The following IMMP2L variants were observed in gnomAD, a reference collection of about 807,000 sequenced individuals.
IMMP2L encodes the protein mitochondrial inner membrane protease subunit 2.
A neutral mutation model predicts 19.3 loss-of-function variants in IMMP2L; 18 were observed. The observed-to-expected ratio is 0.93, with a 90% CI of 0.64 to 1.38. The LOEUF (loss-of-function observed/expected upper bound fraction) is 1.38. Among genes scored for constraint, IMMP2L ranks in the 40% most tolerant of loss-of-function variants. IMMP2L has a pLI of 0.00. For synonymous variants in IMMP2L, 76 were observed against 73.0 expected (o/e 1.04, Z -0.21); for missense variants, 233 against 218.2 (o/e 1.07, Z -0.43).
At chr7:111,376,148 A>G (rs1311803315) in intron 3 of IMMP2L, among the ~76,000 whole-genome samples, 4 of 152,176 alleles carry the variant, frequency 2.6e-5, no homozygotes, top group Non-Finnish European at 5.9e-5. Context: ...TGTGTTACAT[A>G]ACGCACACTC....
chr7:110,689,542 T>C (rs538934918), intron 5 of IMMP2L, among the ~76,000 whole-genome samples: 3 of 152,300 alleles, frequency 2.0e-5, no homozygotes, highest in Non-Finnish European at 4.4e-5. Context: ...GTCAGCTTTT[T>C]TCTTTTTCAA....
chr7:111,355,621 G>T (rs1326693074), intron 3 of IMMP2L, among the ~76,000 whole-genome samples: 1 of 151,708 alleles, frequency 6.6e-6, no homozygotes, highest in Non-Finnish European at 1.5e-5. Flanking sequence ...GGAAAAAATA[G>T]AATAGAAAAA....
At chr7:111,386,775 GT>G (rs1584905045) in intron 3 of IMMP2L, among the ~76,000 whole-genome samples, 1 of 152,042 alleles carries the variant, frequency 6.6e-6, no homozygotes, top group Non-Finnish European at 1.5e-5. Flanking sequence ...TTCCTTGAAG[GT>G]TATGTATAAC....
chr7:111,392,962 A>G, intron 3 of IMMP2L: 3 of 403,518 alleles, frequency 7.4e-6, no homozygotes, highest in South Asian at 3.6e-5. Flanking sequence ...TAAAAGTCTC[A>G]GAACCCAAGC....
At position 110,868,912 on chromosome 7, in the gene IMMP2L, T is replaced by C. The variant is rs192414647; in HGVS notation, c.408+17681A>G. Among the ~76,000 whole-genome samples, 91 of 151,712 alleles carry C rather than the reference T, an allele frequency of 6.0e-4. No homozygotes were observed. In the East Asian group the frequency reaches 0.014, roughly 23 times the overall value. ...AGAAACCTCTGAAAAAGGAACAAAATTTCTTGAAAAAAATTAAAACAAAAA... is the reference window on the plus strand; with the variant it reads ...AGAAACCTCTGAAAAAGGAACAAAACTTCTTGAAAAAAATTAAAACAAAAA... On this transcript the variant is annotated intron_variant, in intron 5 of 5. Coordinates refer to ENST00000405709, the MANE Select transcript of IMMP2L (RefSeq NM_032549.4).
At chr7:111,326,227 T>A (rs540483639) in intron 3 of IMMP2L, among the ~76,000 whole-genome samples, 1 of 151,780 alleles carries the variant, frequency 6.6e-6, no homozygotes, top group Non-Finnish European at 1.5e-5. Context: ...TCAATTGAGA[T>A]ATAAATTATG....
intron 3 of IMMP2L, chr7:111,411,339 A>G: frequency 5.0e-6 from 2 of 399,758 alleles, no homozygotes; most frequent in Non-Finnish European, 9.9e-6. Flanking sequence ...CCCAGGACCT[A>G]GCCAAAGCCC....
intron 3 of IMMP2L, among the ~76,000 whole-genome samples, chr7:111,113,365 T>C (rs778408716): frequency 6.6e-6 from 1 of 152,144 alleles, no homozygotes; most frequent in African/African-American, 2.4e-5. Flanking sequence ...CATTTACTTA[T>C]GGCAATCAAT....
intron 3 of IMMP2L, among the ~76,000 whole-genome samples, chr7:111,257,162 G>A (rs1326398957): frequency 6.6e-6 from 1 of 152,074 alleles, no homozygotes; most frequent in African/African-American, 2.4e-5. Flanking sequence ...TTGGTTGGTA[G>A]TGTTTCACAC....
chr7:111,028,724 C>T (rs1172516926), intron 3 of IMMP2L, among the ~76,000 whole-genome samples: 1 of 152,020 alleles, frequency 6.6e-6, no homozygotes, highest in Non-Finnish European at 1.5e-5. Flanking sequence ...AGTTAGTATT[C>T]CATGGTTTTC....
intron 3 of IMMP2L, among the ~76,000 whole-genome samples, chr7:111,231,024 CTGTGTGTG>C (rs60629485): frequency 4.1e-5 from 6 of 146,998 alleles, no homozygotes; most frequent in Non-Finnish European, 9.0e-5. Flanking sequence ...TAAGTAGTGG[CTGTGTGTG>C]TGTGTGTGTG....
intron 1 of IMMP2L, among the ~76,000 whole-genome samples, chr7:111,526,939 A>C (rs980569374): frequency 2.6e-5 from 4 of 152,112 alleles, no homozygotes; most frequent in African/African-American, 9.7e-5. Context: ...TAAGGGGGAA[A>C]CATTAATAAA....
At chr7:111,409,100 A>G (rs1386056484) in intron 3 of IMMP2L, among the ~76,000 whole-genome samples, 1 of 151,766 alleles carries the variant, frequency 6.6e-6, no homozygotes, top group African/African-American at 2.4e-5. Context: ...CATTTCCTCT[A>G]TTATTCTTAA....
chr7:110,702,450 GAA>G (rs1346832219), intron 5 of IMMP2L, among the ~76,000 whole-genome samples: 1 of 152,122 alleles, frequency 6.6e-6, no homozygotes, highest in Non-Finnish European at 1.5e-5. Context: ...CATTAACCAT[GAA>G]TATTAATATT....
chr7:111,122,732 A>C, intron 3 of IMMP2L: 3 of 1,482,544 alleles, frequency 2.0e-6, no homozygotes, highest in South Asian at 1.2e-5. Context: ...TGACTGTGGA[A>C]TCCTTAAGGG....
intron 3 of IMMP2L, among the ~76,000 whole-genome samples, chr7:111,265,355 C>A (rs1407718007): frequency 1.3e-5 from 2 of 152,162 alleles, no homozygotes; most frequent in African/African-American, 4.8e-5. Context: ...AAATCAAAAT[C>A]TCTACTTTGT....
At chr7:111,127,941 A>C (rs1801479134) in intron 3 of IMMP2L, among the ~76,000 whole-genome samples, 1 of 152,188 alleles carries the variant, frequency 6.6e-6, no homozygotes, top group Non-Finnish European at 1.5e-5. Flanking sequence ...CAAAATATGT[A>C]TTTTATAATG....
rs540762056 is a variant in IMMP2L at position 111,352,723 on chromosome 7, G to A, written c.239+134515C>T. On this transcript the variant is annotated intron_variant, in intron 3 of 5. Coordinates refer to ENST00000405709, the MANE Select transcript of IMMP2L (RefSeq NM_032549.4). ...GGTGAGGGAAGTTCACACAGCAGCC[G>A]CATGGTATCGGTGAGAGGCATTGGA... Among the ~76,000 whole-genome samples, 68 of 152,188 alleles carry A rather than the reference G, an allele frequency of 4.5e-4. 1 individual carries two copies. The highest frequency in any genetic ancestry group is 8.2e-4 in the Non-Finnish European group (56 of 68,018).
At chr7:110,882,810 A>G (rs1252567411) in intron 5 of IMMP2L, among the ~76,000 whole-genome samples, 3 of 151,852 alleles carry the variant, frequency 2.0e-5, no homozygotes, top group Non-Finnish European at 2.9e-5. Flanking sequence ...TATAGGGGAA[A>G]AAATCAAAAC....
Sources: allele counts gnomAD v4.1 joint callset (sites outside exome capture counted in the v4.1 genomes callset), GRCh38; gene constraint gnomAD v4.1.1; transcripts MANE v1.5; gene names NCBI Gene and HGNC (gene_info 2026-07-23, HGNC 2026-07-21).